SPATA17: variants seen among roughly 807,000 people sequenced by gnomAD.
SPATA17 encodes the protein spermatogenesis-associated protein 17.
Under a neutral mutation model 62.2 loss-of-function variants are expected in SPATA17, and 53 were observed. The observed-to-expected ratio is 0.85, with a 90% CI of 0.68 to 1.07. The LOEUF (loss-of-function observed/expected upper bound fraction) is 1.07, where lower values mean the gene tolerates loss of function less well. Among genes scored for constraint, SPATA17 ranks in the 50% least tolerant of loss-of-function variants. The pLI, the probability that SPATA17 is intolerant of heterozygous loss-of-function variation, is 0.00. For missense variants in SPATA17, 466 were observed against 425.5 expected (o/e 1.10, Z -0.84); for synonymous variants, 146 against 146.8 (o/e 0.99, Z 0.04).
At chr1:217,652,035 C>T (rs565464232) in intron 3 of SPATA17, among the ~76,000 whole-genome samples, 1 of 152,262 alleles carries the variant, frequency 6.6e-6, no homozygotes, top group East Asian at 1.9e-4. Context: ...AGATCCTCTG[C>T]CTAATCTCCA....
chr1:217,744,271 G>A (rs1672697634), intron 6 of SPATA17, among the ~76,000 whole-genome samples: 1 of 50,976 alleles, frequency 2.0e-5, no homozygotes, highest in African/African-American at 4.7e-5. Flanking sequence ...GACCATCCCG[G>A]CTAAAACGGT....
chr1:217,691,191 G>A (rs1308013144), intron 5 of SPATA17, among the ~76,000 whole-genome samples: 2 of 148,976 alleles, frequency 1.3e-5, no homozygotes, highest in East Asian at 3.9e-4. Context: ...TCTAACTGGT[G>A]TGAGATGATA....
rs1676042812 is a variant in SPATA17 at position 217,867,611 on chromosome 1, T to TAATCTCG, written c.*594_*600dup. 2 of 152,184 alleles carry TAATCTCG rather than the reference T, an allele frequency of 1.3e-5. No homozygotes were observed. The highest frequency in any genetic ancestry group is 2.9e-5 in the Non-Finnish European group (2 of 68,044). The allele number at this position is 152,184 out of a possible 1,614,324, so 9.4% of individuals were successfully genotyped here. ...CTCTGCTGCCAAGGGAGCAAAGAGA[T>TAATCTCG]AATCTCGATGCCAGGGCTGTGTCAG... is the stretch of plus-strand genomic sequence containing the variant. On this transcript the variant is annotated 3_prime_UTR_variant, in exon 11 of 11. Transcript: ENST00000366933.
At chr1:217,696,028 G>T (rs960120688) in intron 5 of SPATA17, among the ~76,000 whole-genome samples, 1 of 151,752 alleles carries the variant, frequency 6.6e-6, no homozygotes, top group Non-Finnish European at 1.5e-5. Context: ...CACCCAGTTC[G>T]AGCTTCCTGG....
intron 6 of SPATA17, among the ~76,000 whole-genome samples, chr1:217,746,479 T>C (rs1467837777): frequency 6.6e-6 from 1 of 151,534 alleles, no homozygotes; most frequent in Admixed American, 6.6e-5. Context: ...AACATTAATT[T>C]TGACAGTGCT....
chr1:217,716,691 G>T (rs1313549605), intron 5 of SPATA17, among the ~76,000 whole-genome samples: 1 of 152,086 alleles, frequency 6.6e-6, no homozygotes, highest in African/African-American at 2.4e-5. Flanking sequence ...ATGTGTTCTT[G>T]GTAGATAACA....
chr1:217,748,886 G>T (rs1672832088), intron 6 of SPATA17, among the ~76,000 whole-genome samples: 1 of 152,086 alleles, frequency 6.6e-6, no homozygotes, highest in African/African-American at 2.4e-5. Flanking sequence ...AGATGATGAA[G>T]TCCTAGAAAA....
intron 5 of SPATA17, among the ~76,000 whole-genome samples, chr1:217,733,965 A>C (rs763235930): frequency 6.6e-6 from 1 of 152,202 alleles, no homozygotes; most frequent in Non-Finnish European, 1.5e-5. Context: ...AACACCTGTC[A>C]TACAGATCCG....
At chr1:217,850,289 T>C (rs1675618982) in intron 9 of SPATA17, 2 of 403,962 alleles carry the variant, frequency 5.0e-6, no homozygotes, top group Admixed American at 3.7e-5. Flanking sequence ...ATTAACATTT[T>C]GAACAGGTTC....
chr1:217,871,200 G>T lies in SPATA17; in HGVS notation c.*4181G>T, dbSNP rs570960781. The T allele has an allele frequency of 6.6e-6, 1 of 152,126 alleles. No individual in the cohort carries two copies. The highest frequency in any genetic ancestry group is 6.6e-5 in the Admixed American group (1 of 15,264). The allele number at this position is 152,126 out of a possible 1,614,324, so 9.4% of individuals were successfully genotyped here. ...CATATCTGTAAACTTTGGTATAATT[G>T]GTTATTTATGCAATGTATTGTTGTG... On this transcript the variant is annotated 3_prime_UTR_variant, in exon 11 of 11. Transcript: ENST00000366933.
At chr1:217,854,295 A>AT (rs1675728445) in intron 9 of SPATA17, among the ~76,000 whole-genome samples, 3 of 152,132 alleles carry the variant, frequency 2.0e-5, no homozygotes, top group Admixed American at 2.0e-4. Flanking sequence ...GCGAATATTG[A>AT]TTTTGAGGTT....
intron 5 of SPATA17, among the ~76,000 whole-genome samples, chr1:217,733,444 A>G (rs1184156658): frequency 3.3e-5 from 5 of 152,236 alleles, no homozygotes; most frequent in South Asian, 4.1e-4. Context: ...CTCCAATACC[A>G]TCACCTCCAT....
At chr1:217,804,752 G>C (rs1674394340) in intron 9 of SPATA17, among the ~76,000 whole-genome samples, 1 of 152,140 alleles carries the variant, frequency 6.6e-6, no homozygotes, top group Non-Finnish European at 1.5e-5. Flanking sequence ...TTTCTCAAAA[G>C]AAGACATGCA....
intron 5 of SPATA17, among the ~76,000 whole-genome samples, chr1:217,731,331 A>G (rs1480811344): frequency 1.3e-5 from 2 of 151,872 alleles, no homozygotes; most frequent in African/African-American, 2.4e-5. Context: ...CATCTATTCA[A>G]ATGCCTGCTA....
chr1:217,716,354 C>G (rs1283836391), intron 5 of SPATA17, among the ~76,000 whole-genome samples: 2 of 152,136 alleles, frequency 1.3e-5, no homozygotes, highest in Non-Finnish European at 2.9e-5. Context: ...AAAGCAGCAA[C>G]TTAGGGTAAA....
Position 217,843,902 on chromosome 1 carries a change from T to C in SPATA17, c.1006-18872T>C, listed in dbSNP as rs115294884. Reference sequence around the variant, plus strand: ...ACATTTATCAGCCACTTTTTTACACTGTGTATAGCACTGTGACAGTGCTGG... The same window carrying C: ...ACATTTATCAGCCACTTTTTTACACCGTGTATAGCACTGTGACAGTGCTGG... On this transcript the variant is annotated intron_variant, in intron 9 of 10. Coordinates refer to ENST00000366933, the MANE Select transcript of SPATA17 (RefSeq NM_138796.4). Among the ~76,000 whole-genome samples, 291 of 152,214 alleles carry C rather than the reference T, an allele frequency of 1.9e-3. 1 individual carries two copies. Among genetic ancestry groups the C allele is most frequent in the African/African-American group, 6.6e-3 (273 of 41,556 alleles).
chr1:217,851,525 A>G (rs746454816), intron 9 of SPATA17, among the ~76,000 whole-genome samples: 4 of 152,174 alleles, frequency 2.6e-5, no homozygotes, highest in Non-Finnish European at 5.9e-5. Context: ...AACTATTGAC[A>G]TTTTTATAGC....
chr1:217,854,459 A>T (rs1442439666), intron 9 of SPATA17, among the ~76,000 whole-genome samples: 1 of 152,076 alleles, frequency 6.6e-6, no homozygotes, highest in African/African-American at 2.4e-5. Context: ...AAATAGGGTC[A>T]CTCTGAGAAG....
chr1:217,859,399 G>C (rs1675853126), intron 9 of SPATA17, among the ~76,000 whole-genome samples: 2 of 150,628 alleles, frequency 1.3e-5, no homozygotes, highest in Admixed American at 1.3e-4. Flanking sequence ...TTAAGAGAAG[G>C]GGTCTTGCTA....
Sources: gnomAD v4.1 joint callset for allele counts (sites outside exome capture counted in the v4.1 genomes callset) on GRCh38, gnomAD v4.1.1 for gene constraint, MANE v1.5 for transcripts, NCBI Gene and HGNC (gene_info 2026-07-23, HGNC 2026-07-21) for gene names.